TRIP12: variants seen among roughly 807,000 people sequenced by gnomAD.
The protein encoded by TRIP12 is E3 ubiquitin-protein ligase TRIP12.
In TRIP12, 25 loss-of-function variants were observed where a neutral mutation model predicts 244.2. That is an observed-to-expected ratio of 0.10 (90% CI 0.07 to 0.14). The LOEUF (loss-of-function observed/expected upper bound fraction) is 0.14. TRIP12 is among the 10% of genes least tolerant of loss of function. TRIP12 has a pLI of 1.00. For missense variants in TRIP12, 1,677 were observed against 2,486.4 expected, an observed-to-expected ratio of 0.67 and a Z score of 6.92; for synonymous variants, 905 against 873.1, an observed-to-expected ratio of 1.04 and a Z score of -0.64.
chr2:229,852,788 G>T (rs2058965062), intron 4 of TRIP12, among the ~76,000 whole-genome samples: 1 of 152,118 alleles, frequency 6.6e-6, no homozygotes. Flanking sequence ...TTGTTCATTG[G>T]TCTATCAACA....
chr2:229,769,253 C>G lies in TRIP12; in HGVS notation c.5881G>C (p.Asp1961His), dbSNP rs1268725867. The change falls in exon 40 of 42, where the codon GAT (aspartate) becomes CAT (histidine). Residue 1961 changes from aspartate (D) to histidine (H), a missense_variant. Physicochemically the swap from Asp to His is moderately conservative, Grantham distance 81. This residue lies in a region of TRIP12 where 171 missense variants were observed against 388.4 expected (regional missense o/e 0.44). Transcript: ENST00000675903. ...TACCTGTCATGAGTATAACCATGAT[C>G]AGGCCTACAGCATTCCATCAGTGTC... ...AKTLMECCRP[D>H]HGYTHDSRAV... 6.2e-7 allele frequency: 1 copy of G among 1,613,574 alleles called. No homozygotes were observed.
At chr2:229,793,468 T>C in intron 26 of TRIP12, 1 of 169,766 alleles carries the variant, frequency 5.9e-6, no homozygotes, top group Non-Finnish European at 1.3e-5. Flanking sequence ...CAAAAATTCC[T>C]GAACTATTTA....
In TRIP12 at chr2:229,796,654, T is replaced by C; in HGVS notation, c.3753A>G (p.Glu1251=). The part of the protein sequence containing the change: ...QLLLYLTSKS[E]KDAVSREIRL... ...TGATCTCTCTGCTCACAGCATCCTTTTCACTTTTAGATGTCAAATAAAGCA... is the reference window on the plus strand; with the variant it reads ...TGATCTCTCTGCTCACAGCATCCTTCTCACTTTTAGATGTCAAATAAAGCA... Residue 1251 remains glutamate, a synonymous_variant, in exon 25 of 42, where the codon GAA becomes GAG. Coordinates refer to ENST00000675903, the MANE Select transcript of TRIP12 (RefSeq NM_001348323.3). 1 of 1,612,418 alleles carries C rather than the reference T, an allele frequency of 6.2e-7. No homozygotes were observed. The highest frequency in any genetic ancestry group is 8.5e-7 in the Non-Finnish European group (1 of 1,179,646).
chr2:229,851,973 C>G (rs187276274), intron 4 of TRIP12, among the ~76,000 whole-genome samples: 1 of 152,218 alleles, frequency 6.6e-6, no homozygotes, highest in Non-Finnish European at 1.5e-5. Context: ...ATTCATCTCT[C>G]CTGCTTAACT....
chr2:229,868,351 AC>A (rs2061933173), intron 2 of TRIP12, among the ~76,000 whole-genome samples: 1 of 152,090 alleles, frequency 6.6e-6, no homozygotes, highest in Non-Finnish European at 1.5e-5. Flanking sequence ...ACAGACACTT[AC>A]GACCACACCT....
rs190878244 is a variant in TRIP12 at position 229,823,696 on chromosome 2, C to A, written c.1451-5184G>T. The stretch of plus-strand genomic sequence containing the variant: ...TCTCAAAAAAAAAAAACAACAACAA[C>A]AACAAAAAATAAGTGCAAATAAAGC... On this transcript the variant is annotated intron_variant, in intron 8 of 41. Transcript: ENST00000675903. Among the ~76,000 whole-genome samples the A allele has an allele frequency of 1.6e-3, 244 of 150,178 alleles. 1 individual carries two copies. Among genetic ancestry groups the A allele is most frequent in the Middle Eastern group, 0.01 (3 of 286 alleles).
In TRIP12 at chr2:229,803,992, A is replaced by T; in HGVS notation, c.2879+7T>A. The T allele has an allele frequency of 6.2e-6, 10 of 1,602,426 alleles. No homozygotes were observed. The highest frequency in any genetic ancestry group is 8.5e-6 in the Non-Finnish European group (10 of 1,174,146). On this transcript the variant is annotated splice_region_variant and intron_variant, in intron 19 of 41. Coordinates refer to ENST00000675903, the MANE Select transcript of TRIP12 (RefSeq NM_001348323.3). ...GTAAAATGTTTCTACTATTTTCATT[A>T]ACACACCTTGAAACAGCATGATTTT... is the stretch of plus-strand genomic sequence containing the variant.
intron 1 of TRIP12, among the ~76,000 whole-genome samples, chr2:229,919,272 C>T (rs2076057134): frequency 6.6e-6 from 1 of 152,010 alleles, no homozygotes; most frequent in Non-Finnish European, 1.5e-5. Flanking sequence ...AAAAATTAGC[C>T]GGGCGTGGTG....
intron 5 of TRIP12, 72 bp from the exon 6 acceptor site, chr2:229,837,056 T>C: frequency 7.4e-7 from 1 of 1,352,574 alleles, no homozygotes; most frequent in Non-Finnish European, 9.5e-7. Flanking sequence ...AACACAAAGC[T>C]CAAATTCATG....
intron 5 of TRIP12, among the ~76,000 whole-genome samples, chr2:229,839,467 G>A (rs1326152243): frequency 6.6e-6 from 1 of 151,974 alleles, no homozygotes; most frequent in Non-Finnish European, 1.5e-5. Context: ...CACGAGGTCA[G>A]GAGACCGAGA....
chr2:229,816,599 T>C (rs113311655), intron 9 of TRIP12, among the ~76,000 whole-genome samples: 162 of 152,282 alleles, frequency 1.1e-3, no homozygotes, highest in African/African-American at 3.5e-3. Flanking sequence ...ATAACAGCCA[T>C]TATTAATAGC....
At chr2:229,838,596 C>G (rs1050007077) in intron 5 of TRIP12, among the ~76,000 whole-genome samples, 5 of 152,174 alleles carry the variant, frequency 3.3e-5, no homozygotes, top group African/African-American at 1.2e-4. Context: ...AATTACAACA[C>G]TAGATTACCT....
Position 229,803,710 on chromosome 2 carries a change from T to C in TRIP12, c.2880-21A>G, listed in dbSNP as rs1180673782. On this transcript the variant is annotated intron_variant, in intron 19 of 41. Transcript: ENST00000675903. ...TGTGACTAAAAAAAGAAAGCATTTG[T>C]ATATAAAACTCTGCCTGAATTTGAT... 5.2e-6 allele frequency: 8 copies of C among 1,528,278 alleles called. No individual in the cohort carries two copies. In the Admixed American group the frequency reaches 5.9e-5, roughly 11 times the overall value. The allele number at this position is 1,528,278 out of a possible 1,614,324, so 94.7% of individuals were successfully genotyped here.
Position 229,796,698 on chromosome 2 carries a change from C to T in TRIP12, c.3709G>A (p.Gly1237Arg). 6.2e-7 allele frequency: 1 copy of T among 1,612,436 alleles called. No homozygotes were observed. Among genetic ancestry groups the T allele is most frequent in the Non-Finnish European group, 8.5e-7 (1 of 1,179,642 alleles). ...TAAAGCAACAGCTGCTTCACAAATCCACTATGTTGGATTTCAAATGATGAA... is the reference window on the plus strand; with the variant it reads ...TAAAGCAACAGCTGCTTCACAAATCTACTATGTTGGATTTCAAATGATGAA... Reference protein sequence around the residue: ...DVSSFEIQHSGFVKQLLLYLT... With the variant: ...DVSSFEIQHSRFVKQLLLYLT... The change falls in exon 25 of 42, where the codon GGA becomes AGA. Residue 1237 changes from glycine to arginine, a missense_variant. Coordinates refer to ENST00000675903, the MANE Select transcript of TRIP12 (RefSeq NM_001348323.3).
intron 1 of TRIP12, among the ~76,000 whole-genome samples, chr2:229,920,721 G>A (rs2076355098): frequency 6.6e-6 from 1 of 152,046 alleles, no homozygotes; most frequent in Admixed American, 6.6e-5. Context: ...ATTTCCCCCC[G>A]ATTTACATGT....
chr2:229,795,348 C>G lies in TRIP12; in HGVS notation c.3817-18G>C. On this transcript the variant is annotated intron_variant, in intron 25 of 41. Coordinates refer to ENST00000675903, the MANE Select transcript of TRIP12 (RefSeq NM_001348323.3). Reference sequence around the variant, plus strand: ...CCAGGAAGCTAAAGTTATAAATAAACAAACAGGTTAAACAAAGCCTTTTCA... The same window carrying G: ...CCAGGAAGCTAAAGTTATAAATAAAGAAACAGGTTAAACAAAGCCTTTTCA... The G allele has an allele frequency of 1.9e-6, 3 of 1,607,146 alleles. No homozygotes were observed. Among genetic ancestry groups the G allele is most frequent in the South Asian group, 2.2e-5 (2 of 89,860 alleles).
intron 38 of TRIP12, 122 bp downstream of exon 38, chr2:229,773,975 G>T: frequency 1.0e-6 from 1 of 958,344 alleles, no homozygotes; most frequent in Non-Finnish European, 1.6e-6. Context: ...CAGCCTTCAT[G>T]CAGTGGTCCT....
intron 8 of TRIP12, among the ~76,000 whole-genome samples, chr2:229,819,460 G>A (rs2049418557): frequency 6.6e-6 from 1 of 152,172 alleles, no homozygotes; most frequent in African/African-American, 2.4e-5. Flanking sequence ...CAGGAGAACT[G>A]CTTGAACCTG....
At chr2:229,917,639 C>T (rs115872209) in intron 1 of TRIP12, among the ~76,000 whole-genome samples, 136 of 152,080 alleles carry the variant, frequency 8.9e-4, no homozygotes, top group African/African-American at 3.2e-3. Context: ...ACTCTAATGG[C>T]ACGTTAGTCA....
Sources: allele counts gnomAD v4.1 joint callset (sites outside exome capture counted in the v4.1 genomes callset), GRCh38; gene constraint gnomAD v4.1.1; regional missense constraint gnomAD v4.1.1; transcripts MANE v1.5; gene names NCBI Gene and HGNC (gene_info 2026-07-23, HGNC 2026-07-21).